RSPH6A: variants seen among roughly 807,000 people sequenced by gnomAD.
The protein encoded by RSPH6A is radial spoke head protein 6 homolog A.
Under a neutral mutation model 66.1 loss-of-function variants are expected in RSPH6A, and 49 were observed. That is an observed-to-expected ratio of 0.74 (90% CI 0.59 to 0.94). The LOEUF (loss-of-function observed/expected upper bound fraction) is 0.94, where lower values mean the gene tolerates loss of function less well. RSPH6A is among the 40% of genes least tolerant of loss of function. The pLI is 0.00. For synonymous variants in RSPH6A, 419 were observed against 402.4 expected (o/e 1.04, Z -0.49); for missense variants, 977 against 948.3 (o/e 1.03, Z -0.40).
rs780118434 is a variant in RSPH6A at position 45,802,148 on chromosome 19, T to C, written c.1770A>G (p.Pro590=). Residue 590 remains proline (P), a synonymous_variant, in exon 4 of 6, where the codon CCA becomes CCG. Transcript: ENST00000221538. ...CATCTTCTGAAAGTGGCGTTAGCAGTGGGGGGCCAACCTCCTGCTCCACCT... is the reference window on the plus strand; with the variant it reads ...CATCTTCTGAAAGTGGCGTTAGCAGCGGGGGGCCAACCTCCTGCTCCACCT... ...PEEVEQEVGP[P]LLTPLSEDAE... 6.4e-7 allele frequency: 1 copy of C among 1,553,102 alleles called. No homozygotes were observed. Among genetic ancestry groups the C allele is most frequent in the Non-Finnish European group, 8.7e-7 (1 of 1,144,162 alleles).
At chr19:45,805,359 G>A (rs938428328) in intron 2 of RSPH6A, among the ~76,000 whole-genome samples, 6 of 150,862 alleles carry the variant, frequency 4.0e-5, no homozygotes, top group African/African-American at 1.5e-4. Flanking sequence ...ATTGCTCCAC[G>A]CACTCCAGCC....
At chr19:45,806,767 G>T (rs187274182) in intron 2 of RSPH6A, among the ~76,000 whole-genome samples, 116 of 149,304 alleles carry the variant, frequency 7.8e-4, no homozygotes, top group African/African-American at 2.3e-3. Context: ...ATGTACATCT[G>T]CACGGGCCAC....
At position 45,804,848 on chromosome 19, in the gene RSPH6A, G is replaced by GT. The variant is rs764328712; in HGVS notation, c.1056dup (p.Arg353ThrfsTer53). ...TCCACCTCGGCCACCAGGTAGCTGC[G>GT]TTTGATTCCCAGGATCTTGCCCCAG... On this transcript the variant is annotated frameshift_variant, in exon 3 of 6. Transcript: ENST00000221538. LOFTEE classifies it high-confidence loss of function. This position sits in a 1 kb window ranked among gnomAD's most constrained non-coding sequence, Gnocchi z 5.8. 4 of 1,614,170 alleles carry GT rather than the reference G, an allele frequency of 2.5e-6. No homozygotes were observed. The African/African-American group carries it at 5.3e-5, about 22-fold the overall frequency.
At position 45,804,581 on chromosome 19, in the gene RSPH6A, G is replaced by T. The variant is rs749365740; in HGVS notation, c.1324C>A (p.Pro442Thr). Residue 442 changes from proline (P) to threonine (T), a missense_variant, in exon 3 of 6, where the codon CCC (proline) becomes ACC (threonine). Pro to Thr is a conservative substitution (Grantham distance 38, BLOSUM62 -1). Coordinates refer to ENST00000221538, the MANE Select transcript of RSPH6A (RefSeq NM_030785.4). This position sits in a 1 kb window ranked among gnomAD's most constrained non-coding sequence, Gnocchi z 5.8. ...NEPGLPWTRLPHVTPAQIVNA... is the reference protein window; with the variant it reads ...NEPGLPWTRLTHVTPAQIVNA... The stretch of plus-strand genomic sequence containing the variant: ...ACGATCTGGGCTGGAGTGACGTGGG[G>T]CAGCCGCGTCCATGGCAGGCCCGGC... The T allele has an allele frequency of 2.5e-6, 4 of 1,614,186 alleles. No homozygotes were observed. Among genetic ancestry groups the T allele is most frequent in the Non-Finnish European group, 2.5e-6 (3 of 1,180,050 alleles).
At position 45,804,190 on chromosome 19, in the gene RSPH6A, C is replaced by A; in HGVS notation, c.1653+62G>T. 7.5e-7 allele frequency: 1 copy of A among 1,336,136 alleles called. No individual in the cohort carries two copies. The highest frequency in any genetic ancestry group is 1.4e-5 in the African/African-American group (1 of 69,262). 82.8% of individuals were successfully genotyped at this position (1,336,136 alleles called of 1,614,324 possible). A position where few individuals can be genotyped will look rare whatever the true frequency, so the allele number is the denominator to read the frequency against. On this transcript the variant is annotated intron_variant, in intron 3 of 5. Coordinates refer to ENST00000221538, the MANE Select transcript of RSPH6A (RefSeq NM_030785.4). This position sits in a 1 kb window ranked among gnomAD's most constrained non-coding sequence, Gnocchi z 5.8. Reference sequence around the variant, plus strand: ...GAGTAAGAGCTTGATGTCAGTATTGCAGGGTCATGCGTGAGCCCCCTGCTC... The same window carrying A: ...GAGTAAGAGCTTGATGTCAGTATTGAAGGGTCATGCGTGAGCCCCCTGCTC...
At chr19:45,803,662 A>C (rs1317531394) in intron 3 of RSPH6A, among the ~76,000 whole-genome samples, 1 of 150,554 alleles carries the variant, frequency 6.6e-6, no homozygotes, top group South Asian at 2.1e-4. Flanking sequence ...GGGCAACAAG[A>C]GCGAAATTCT....
At chr19:45,809,770 G>A (rs1970597961) in intron 2 of RSPH6A, among the ~76,000 whole-genome samples, 1 of 152,206 alleles carries the variant, frequency 6.6e-6, no homozygotes, top group African/African-American at 2.4e-5. Context: ...TGTGTGGGGA[G>A]CAGATGGTGC....
chr19:45,795,749 C>T lies in RSPH6A; in HGVS notation c.*120G>A, dbSNP rs924981066. ...AATTTTATTTGAAGCAGTTGCCTTC[C>T]TTTTCTATCCCTGCCCTCTGGGGAC... On this transcript the variant is annotated 3_prime_UTR_variant, in exon 6 of 6. Coordinates refer to ENST00000221538, the MANE Select transcript of RSPH6A (RefSeq NM_030785.4). 1.8e-5 allele frequency: 17 copies of T among 935,836 alleles called. No homozygotes were observed. In the African/African-American group the frequency reaches 2.6e-4, roughly 15 times the overall value. 58.0% of individuals were successfully genotyped at this position (935,836 alleles called of 1,614,324 possible). A position where few individuals can be genotyped will look rare whatever the true frequency, so the allele number is the denominator to read the frequency against.
chr19:45,814,802 C>G lies in RSPH6A; in HGVS notation c.375G>C (p.Gln125His), dbSNP rs189167732. 6.2e-7 allele frequency: 1 copy of G among 1,613,938 alleles called. No homozygotes were observed. The highest frequency in any genetic ancestry group is 8.5e-7 in the Non-Finnish European group (1 of 1,179,890). Residue 125 changes from glutamine (Q) to histidine (H), a missense_variant, in exon 1 of 6, where the codon CAG (glutamine) becomes CAC (histidine). By Grantham distance (24) the Gln-to-His change is conservative. Coordinates refer to ENST00000221538, the MANE Select transcript of RSPH6A (RefSeq NM_030785.4). ...GTTGCTGGAACAGGCTGCTTTGGCC[C>G]TGCTGGAGCCGCTGCAGCATTAGGC... ...TTSLMLQRLQQGQSSLFQQLD... is the reference protein window; with the variant it reads ...TTSLMLQRLQHGQSSLFQQLD...
At chr19:45,799,774 C>T (rs1025847843) in intron 5 of RSPH6A, among the ~76,000 whole-genome samples, 11 of 152,020 alleles carry the variant, frequency 7.2e-5, no homozygotes, top group Admixed American at 3.9e-4. Flanking sequence ...AGGCCGGGTG[C>T]GGTGGCTCAT....
intron 2 of RSPH6A, 109 bp from the exon 3 acceptor site, chr19:45,805,125 A>G (rs528707185): frequency 2.2e-5 from 20 of 921,332 alleles, no homozygotes; most frequent in Non-Finnish European, 2.9e-5. Context: ...GGCCGGGTGC[A>G]GTGGCTCACG....
At chr19:45,800,768 ACACACACT>A (rs1358488507) in intron 4 of RSPH6A, among the ~76,000 whole-genome samples, 11 of 114,246 alleles carry the variant, frequency 9.6e-5, no homozygotes, top group East Asian at 2.5e-4. Context: ...ACACACACAC[ACACACACT>A]CTCTCTCTCT....
intron 1 of RSPH6A, among the ~76,000 whole-genome samples, chr19:45,811,774 T>C (rs1600480297): frequency 6.9e-6 from 1 of 145,164 alleles, no homozygotes; most frequent in African/African-American, 2.5e-5. Context: ...TTATTATTAT[T>C]ATTATTATTA....
At chr19:45,807,427 G>A (rs1484282198) in intron 2 of RSPH6A, among the ~76,000 whole-genome samples, 1 of 151,524 alleles carries the variant, frequency 6.6e-6, no homozygotes, top group South Asian at 2.1e-4. Flanking sequence ...ATGTTAGCCA[G>A]GATGGTCTTG....
intron 2 of RSPH6A, among the ~76,000 whole-genome samples, chr19:45,808,970 A>C (rs1293449166): frequency 6.9e-6 from 1 of 145,628 alleles, no homozygotes; most frequent in Non-Finnish European, 1.5e-5. Flanking sequence ...CCCGGCCGAG[A>C]ATAGTCAAAA....
At chr19:45,805,316 G>C (rs1308144498) in intron 2 of RSPH6A, among the ~76,000 whole-genome samples, 2 of 152,148 alleles carry the variant, frequency 1.3e-5, no homozygotes, top group African/African-American at 4.8e-5. Context: ...AGAATCACTT[G>C]AACCGGGGAG....
chr19:45,810,894 G>T, intron 1 of RSPH6A, 54 bp from the exon 2 acceptor site: 1 of 1,490,638 alleles, frequency 6.7e-7, no homozygotes. Context: ...TCAGCTCACT[G>T]AGCTGGCTCC....
Position 45,814,502 on chromosome 19 carries a change from C to G in RSPH6A, c.650+25G>C, listed in dbSNP as rs754732527. On this transcript the variant is annotated intron_variant, in intron 1 of 5. Coordinates refer to ENST00000221538, the MANE Select transcript of RSPH6A (RefSeq NM_030785.4). ...CCCCTCCCTGCCTGGGTCCCCCACCCGCCCCACTCCTAGCCCCTGCTCACA... is the reference window on the plus strand; with the variant it reads ...CCCCTCCCTGCCTGGGTCCCCCACCGGCCCCACTCCTAGCCCCTGCTCACA... 56 of 1,446,548 alleles carry G rather than the reference C, an allele frequency of 3.9e-5. 1 individual carries two copies. The highest frequency in any genetic ancestry group is 1.8e-4 in the South Asian group (11 of 61,620). The allele number at this position is 1,446,548 out of a possible 1,614,324, so 89.6% of individuals were successfully genotyped here.
intron 2 of RSPH6A, among the ~76,000 whole-genome samples, chr19:45,807,284 C>A (rs1391042863): frequency 1.3e-5 from 2 of 151,418 alleles, no homozygotes; most frequent in Non-Finnish European, 2.9e-5. Context: ...GGCGCAATCT[C>A]AACTCACTGC....
Sources: allele counts gnomAD v4.1 joint callset (sites outside exome capture counted in the v4.1 genomes callset), GRCh38; gene constraint gnomAD v4.1.1; non-coding constraint Gnocchi (gnomAD v3.1); transcripts MANE v1.5; gene names NCBI Gene and HGNC (gene_info 2026-07-23, HGNC 2026-07-21).